FN3K: variants seen among roughly 807,000 people sequenced by gnomAD.
The protein encoded by FN3K is fructosamine 3 kinase, also known as fructosamine-3-kinase.
In FN3K, 24 loss-of-function variants were observed where a neutral mutation model predicts 24.8. That is an observed-to-expected ratio of 0.97 (90% confidence interval 0.70 to 1.36). The LOEUF (loss-of-function observed/expected upper bound fraction) is 1.36, where lower values mean the gene tolerates loss of function less well. Ranked by LOEUF, FN3K falls within the 40% of genes most tolerant of loss-of-function variation. The pLI, the probability that FN3K is intolerant of heterozygous loss-of-function variation, is 0.00. For synonymous variants in FN3K, 192 were observed against 175.2 expected, an observed-to-expected ratio of 1.10 and a Z score of -0.76; for missense variants, 449 against 416.7, an observed-to-expected ratio of 1.08 and a Z score of -0.67.
chr17:82,741,419 C>T, intron 4 of FN3K, 26 bp downstream of exon 4: 1 of 1,599,858 alleles, frequency 6.3e-7, no homozygotes, highest in Non-Finnish European at 8.5e-7. Flanking sequence ...AGGGTGTTCC[C>T]TGATGCCCTA....
At chr17:82,742,459 A>G (rs2046946296) in intron 4 of FN3K, among the ~76,000 whole-genome samples, 1 of 152,234 alleles carries the variant, frequency 6.6e-6, no homozygotes, top group South Asian at 2.1e-4. Context: ...TGGATATGTC[A>G]TATGAGTGGA....
intron 5 of FN3K, 111 bp from the exon 6 acceptor site, chr17:82,750,306 G>C (rs1352863185): frequency 2.1e-6 from 2 of 948,424 alleles, no homozygotes; most frequent in Non-Finnish European, 3.4e-6. Flanking sequence ...GGCAGTGCTG[G>C]GGCTGGACAC....
chr17:82,738,944 A>ATATATATACG (rs2046924132), intron 2 of FN3K, among the ~76,000 whole-genome samples: 1 of 83,060 alleles, frequency 1.2e-5, no homozygotes, highest in African/African-American at 5.5e-5. Context: ...ATATATATAT[A>ATATATATACG]TATTTTTTTT....
chr17:82,738,352 C>A, intron 1 of FN3K, 137 bp from the exon 2 acceptor site: 1 of 1,207,934 alleles, frequency 8.3e-7, no homozygotes, highest in Non-Finnish European at 1.2e-6. Context: ...CTGTGGTGGA[C>A]GCCAGCTCCC....
At chr17:82,750,353 A>C (rs952392010) in intron 5 of FN3K, 64 bp from the exon 6 acceptor site, 4 of 1,437,898 alleles carry the variant, frequency 2.8e-6, no homozygotes, top group East Asian at 2.3e-5. Flanking sequence ...CTTATTTCCA[A>C]GAACGAGGTG....
intron 3 of FN3K, 65 bp downstream of exon 3, chr17:82,740,919 A>C: frequency 2.8e-6 from 3 of 1,082,372 alleles, no homozygotes; most frequent in African/African-American, 1.5e-5. Flanking sequence ...ATGGGTGCTC[A>C]TGGTACTTCT....
At chr17:82,746,544 T>C (rs2046969463) in intron 4 of FN3K, among the ~76,000 whole-genome samples, 1 of 152,178 alleles carries the variant, frequency 6.6e-6, no homozygotes, top group Non-Finnish European at 1.5e-5. Flanking sequence ...CTCGCGCCTG[T>C]AATCCCAGCA....
chr17:82,742,880 C>A, intron 4 of FN3K: 1 of 361,568 alleles, frequency 2.8e-6, no homozygotes, highest in South Asian at 2.1e-5. Flanking sequence ...GAACAATGAC[C>A]AAGCTCTCCC....
At chr17:82,743,930 T>C (rs937850030) in intron 4 of FN3K, among the ~76,000 whole-genome samples, 1 of 152,124 alleles carries the variant, frequency 6.6e-6, no homozygotes, top group African/African-American at 2.4e-5. Context: ...GCCCCTCTGT[T>C]CAGGTGGCAG....
At position 82,750,517 on chromosome 17, in the gene FN3K, T is replaced by C. The variant is rs1189306970; in HGVS notation, c.692T>C (p.Ile231Thr). The change falls in exon 6 of 6, where the codon ATT becomes ACT. Residue 231 changes from isoleucine to threonine, a missense_variant. Transcript: ENST00000300784. ...GTGGCTGAGGACGACGTGGGGCCCA[T>C]TATTTACGACCCGGCTTCCTTCTAT... Reference protein sequence around the residue: ...GNVAEDDVGPIIYDPASFYGH... With the variant: ...GNVAEDDVGPTIYDPASFYGH... 3 of 1,614,122 alleles carry C rather than the reference T, an allele frequency of 1.9e-6. No homozygotes were observed. The highest frequency in any genetic ancestry group is 1.1e-5 in the South Asian group (1 of 91,074).
At chr17:82,738,366 C>A in intron 1 of FN3K, 123 bp from the exon 2 acceptor site, 1 of 1,372,506 alleles carries the variant, frequency 7.3e-7, no homozygotes, top group Non-Finnish European at 1.0e-6. Flanking sequence ...AGCTCCCAGC[C>A]AGAGCCAGCT....
At chr17:82,740,075 G>T (rs2046932319) in intron 2 of FN3K, among the ~76,000 whole-genome samples, 1 of 151,668 alleles carries the variant, frequency 6.6e-6, no homozygotes. Flanking sequence ...CTAATTTTTT[G>T]TATTTTTAGT....
At position 82,741,813 on chromosome 17, in the gene FN3K, T is replaced by C. The variant is rs191661071; in HGVS notation, c.468+420T>C. ...AATATAATTCACATAAGATCCACCA[T>C]TTTAAAGGATTAGAATTAATTGGTT... On this transcript the variant is annotated intron_variant, in intron 4 of 5. Coordinates refer to ENST00000300784, the MANE Select transcript of FN3K (RefSeq NM_022158.4). 2.0e-5 allele frequency among the ~76,000 whole-genome samples: 3 copies of C among 152,386 alleles called. No homozygotes were observed. In the East Asian group the frequency reaches 5.8e-4, roughly 29 times the overall value.
intron 2 of FN3K, among the ~76,000 whole-genome samples, chr17:82,739,481 G>A (rs1474413841): frequency 2.3e-4 from 32 of 137,192 alleles, no homozygotes; most frequent in Admixed American, 1.9e-3. Context: ...TTTTTGAGAC[G>A]GAGTGTCGCT....
intron 4 of FN3K, chr17:82,745,342 C>G (rs893559733): frequency 6.0e-6 from 1 of 167,280 alleles, no homozygotes; most frequent in African/African-American, 2.4e-5. Flanking sequence ...ACACAGCACA[C>G]GTTTCAGAGA....
intron 4 of FN3K, among the ~76,000 whole-genome samples, chr17:82,745,967 G>A (rs915481782): frequency 2.6e-5 from 4 of 151,726 alleles, no homozygotes; most frequent in African/African-American, 7.3e-5. Context: ...GGTGGCGGGC[G>A]CCTGTAGTCC....
chr17:82,735,899 G>A (rs1174310062), intron 1 of FN3K, 122 bp downstream of exon 1: 10 of 1,335,070 alleles, frequency 7.5e-6, no homozygotes, highest in East Asian at 2.6e-5. Flanking sequence ...TTGGCCCTTG[G>A]GAGGTGGCAC....
intron 1 of FN3K, 198 bp from the exon 2 acceptor site, chr17:82,738,291 C>CAGCCTT: frequency 1.6e-6 from 1 of 629,414 alleles, no homozygotes; most frequent in Non-Finnish European, 2.7e-6. Context: ...GGCTCAGCCT[C>CAGCCTT]AGCCTTGCAG....
chr17:82,748,978 G>A lies in FN3K; in HGVS notation c.591+1G>A. 6.2e-7 allele frequency: 1 copy of A among 1,614,202 alleles called. No homozygotes were observed. The highest frequency in any genetic ancestry group is 1.1e-5 in the South Asian group (1 of 91,082). On this transcript the variant is annotated splice_donor_variant, in intron 5 of 5. Coordinates refer to ENST00000300784, the MANE Select transcript of FN3K (RefSeq NM_022158.4). LOFTEE classifies it high-confidence loss of function. The stretch of plus-strand genomic sequence containing the variant: ...ACGAGAACTCTGGTCCCGGCTACAG[G>A]TGGGCACGGCAGTGACTTCTCTGGG...
Sources: gnomAD v4.1 joint callset for allele counts (sites outside exome capture counted in the v4.1 genomes callset) on GRCh38, gnomAD v4.1.1 for gene constraint, MANE v1.5 for transcripts, NCBI Gene and HGNC (gene_info 2026-07-23, HGNC 2026-07-21) for gene names.